The following ZNF385D variants were observed in gnomAD, a reference collection of about 807,000 sequenced individuals.
ZNF385D encodes zinc finger protein 385D.
Under a neutral mutation model 35.8 loss-of-function variants are expected in ZNF385D, and 15 were observed. The observed-to-expected ratio is 0.42, with a 90% CI of 0.28 to 0.64. The LOEUF (loss-of-function observed/expected upper bound fraction) is 0.64. ZNF385D is among the 30% of genes least tolerant of loss of function. The pLI is 0.23. For missense variants in ZNF385D, 474 were observed against 494.6 expected (o/e 0.96, Z 0.39); for synonymous variants, 212 against 186.8 (o/e 1.13, Z -1.10).
At chr3:21,570,730 G>A (rs1172746435) in intron 2 of ZNF385D, among the ~76,000 whole-genome samples, 2 of 151,920 alleles carry the variant, frequency 1.3e-5, no homozygotes, top group Admixed American at 1.3e-4. Context: ...CTAGTAAGTG[G>A]GAGACTTGCT....
intron 3 of ZNF385D, among the ~76,000 whole-genome samples, chr3:22,037,649 T>G (rs949985078): frequency 6.6e-6 from 1 of 152,158 alleles, no homozygotes; most frequent in Non-Finnish European, 1.5e-5. Flanking sequence ...TTTCTCCCAT[T>G]CTGTAGGTTG....
intron 3 of ZNF385D, among the ~76,000 whole-genome samples, chr3:22,065,212 C>T (rs982046602): frequency 6.6e-6 from 1 of 152,148 alleles, no homozygotes; most frequent in Non-Finnish European, 1.5e-5. Context: ...TTCTCTTGCT[C>T]TCCTCGTAGG....
chr3:21,694,613 T>C (rs1243113732), intron 1 of ZNF385D, among the ~76,000 whole-genome samples: 2 of 152,224 alleles, frequency 1.3e-5, no homozygotes, highest in African/African-American at 4.8e-5. Context: ...ATCAGAATTA[T>C]GGTGAACTAT....
rs145765562 is a variant in ZNF385D, at chr3:22,094,063, A to G, written c.325+74754T>C. On this transcript the variant is annotated intron_variant, in intron 3 of 5. Transcript: ENST00000494108. ...GTGGGTTGACTGGATTTTATTGTCAATATTTTTAATAAAAGGCTATTGCTG... is the reference window on the plus strand; with the variant it reads ...GTGGGTTGACTGGATTTTATTGTCAGTATTTTTAATAAAAGGCTATTGCTG... Among the ~76,000 whole-genome samples, 294 of 152,178 alleles carry G rather than the reference A, an allele frequency of 1.9e-3. 2 individuals carry two copies. The highest frequency in any genetic ancestry group is 5.8e-3 in the African/African-American group (241 of 41,534).
intron 3 of ZNF385D, among the ~76,000 whole-genome samples, chr3:22,148,513 T>C (rs1381316683): frequency 6.6e-6 from 1 of 152,188 alleles, no homozygotes; most frequent in Non-Finnish European, 1.5e-5. Context: ...GCAATTCCAC[T>C]TGATGGCATC....
intron 3 of ZNF385D, among the ~76,000 whole-genome samples, chr3:21,866,442 G>C (rs1462619812): frequency 6.6e-6 from 1 of 152,124 alleles, no homozygotes; most frequent in East Asian, 1.9e-4. Context: ...GGCAACAGGA[G>C]TGAAACTCCA....
intron 3 of ZNF385D, among the ~76,000 whole-genome samples, chr3:22,030,353 A>T (rs1452895644): frequency 7.4e-6 from 1 of 134,350 alleles, no homozygotes; most frequent in African/African-American, 2.8e-5. Flanking sequence ...GGTTTAATTG[A>T]CTCATAATTT....
At chr3:21,848,279 T>G (rs1207451040) in intron 3 of ZNF385D, among the ~76,000 whole-genome samples, 2 of 152,056 alleles carry the variant, frequency 1.3e-5, no homozygotes, top group African/African-American at 4.8e-5. Context: ...TTCCACATTT[T>G]GGCTAGTCAG....
intron 2 of ZNF385D, among the ~76,000 whole-genome samples, chr3:21,601,867 T>C (rs1472283618): frequency 1.3e-5 from 2 of 152,176 alleles, no homozygotes; most frequent in African/African-American, 4.8e-5. Context: ...TGTCTCCAAC[T>C]GGAGCACTTT....
chr3:22,292,938 T>C (rs1364631456), intron 2 of ZNF385D, among the ~76,000 whole-genome samples: 1 of 152,084 alleles, frequency 6.6e-6, no homozygotes, highest in African/African-American at 2.4e-5. Context: ...GATTCCTGTT[T>C]TTCCCTTTAG....
At chr3:21,922,951 C>T (rs910377815) in intron 3 of ZNF385D, among the ~76,000 whole-genome samples, 1 of 152,074 alleles carries the variant, frequency 6.6e-6, no homozygotes, top group African/African-American at 2.4e-5. Flanking sequence ...AACAAATTGC[C>T]CTGTTTGAAA....
intron 3 of ZNF385D, among the ~76,000 whole-genome samples, chr3:22,102,723 T>A (rs1702002465): frequency 6.6e-6 from 1 of 152,100 alleles, no homozygotes; most frequent in Non-Finnish European, 1.5e-5. Context: ...TTAACTGATC[T>A]TCAATATCCC....
At chr3:21,536,573 C>G (rs1032564933) in intron 3 of ZNF385D, among the ~76,000 whole-genome samples, 1 of 152,026 alleles carries the variant, frequency 6.6e-6, no homozygotes, top group African/African-American at 2.4e-5. Context: ...TTAATTTATG[C>G]ATTTAATTAG....
intron 4 of ZNF385D, among the ~76,000 whole-genome samples, chr3:21,460,815 A>AG (rs1703123246): frequency 6.6e-6 from 1 of 152,186 alleles, no homozygotes; most frequent in Admixed American, 6.5e-5. Flanking sequence ...GCAATTAATT[A>AG]GGGCCACTGA....
chr3:22,324,921 C>G (rs1414792231), intron 2 of ZNF385D, among the ~76,000 whole-genome samples: 3 of 152,138 alleles, frequency 2.0e-5, no homozygotes, highest in Non-Finnish European at 1.5e-5. Context: ...AATCTGGGTT[C>G]TAACACTTAC....
intron 3 of ZNF385D, among the ~76,000 whole-genome samples, chr3:21,999,588 A>G (rs550504880): frequency 1.4e-4 from 22 of 152,136 alleles, no homozygotes; most frequent in Non-Finnish European, 2.8e-4. Flanking sequence ...ATATGGTTCT[A>G]CTTCTCATTT....
intron 4 of ZNF385D, among the ~76,000 whole-genome samples, chr3:21,490,322 C>T (rs1007978435): frequency 2.0e-5 from 3 of 152,032 alleles, no homozygotes; most frequent in South Asian, 2.1e-4. Context: ...TGTGTCACCA[C>T]GTCTGGCTCT....
At chr3:22,030,293 A>ATGTATGTATATATATATATATATGTATG (rs1697902976) in intron 3 of ZNF385D, among the ~76,000 whole-genome samples, 3 of 97,078 alleles carry the variant, frequency 3.1e-5, no homozygotes, top group African/African-American at 1.0e-4. Context: ...ATATATATAT[A>ATGTATGTATATATATATATATATGTATG]TATATATATC....
At chr3:22,083,997 A>G (rs1700899059) in intron 3 of ZNF385D, among the ~76,000 whole-genome samples, 1 of 152,212 alleles carries the variant, frequency 6.6e-6, no homozygotes, top group South Asian at 2.1e-4. Flanking sequence ...TCATACGTGA[A>G]GGAGAAATAA....
Sources: gnomAD v4.1 joint callset for allele counts (sites outside exome capture counted in the v4.1 genomes callset) on GRCh38, gnomAD v4.1.1 for gene constraint, MANE v1.5 for transcripts, NCBI Gene and HGNC (gene_info 2026-07-23, HGNC 2026-07-21) for gene names.